ZNF385B: variants seen among roughly 807,000 people sequenced by gnomAD.
ZNF385B encodes zinc finger protein 385B.
ZNF385B carries 23 observed loss-of-function variants against 39.2 expected under a neutral mutation model. The ratio of observed to expected loss-of-function variants is 0.59; its 90% CI spans 0.42 to 0.83. The LOEUF is 0.83. Ranked by LOEUF, ZNF385B falls within the 40% of genes least tolerant of loss-of-function variation. The pLI, the probability that ZNF385B is intolerant of heterozygous loss-of-function variation, is 0.00. For synonymous variants in ZNF385B, 205 were observed against 222.6 expected, an observed-to-expected ratio of 0.92 and a Z score of 0.70; for missense variants, 552 against 598.9, an observed-to-expected ratio of 0.92 and a Z score of 0.82.
chr2:179,756,685 C>G (rs983172985), intron 3 of ZNF385B, among the ~76,000 whole-genome samples: 1 of 151,974 alleles, frequency 6.6e-6, no homozygotes, highest in Non-Finnish European at 1.5e-5. Flanking sequence ...TTTCTTTTTA[C>G]TCTTTTTTCT....
chr2:179,733,202 G>A (rs909737256), intron 3 of ZNF385B, among the ~76,000 whole-genome samples: 4 of 152,164 alleles, frequency 2.6e-5, no homozygotes, highest in African/African-American at 9.7e-5. Flanking sequence ...CCAAACACCA[G>A]CTTTCTGTCT....
intron 5 of ZNF385B, among the ~76,000 whole-genome samples, chr2:179,493,789 G>GTGTATATACATATATT (rs1162190999): frequency 8.8e-6 from 1 of 113,266 alleles, no homozygotes; most frequent in South Asian, 2.8e-4. Flanking sequence ...ATACACATAT[G>GTGTATATACATATATT]TATACATATA....
chr2:179,602,880 T>C (rs1688517802), intron 3 of ZNF385B, among the ~76,000 whole-genome samples: 1 of 152,196 alleles, frequency 6.6e-6, no homozygotes, highest in Non-Finnish European at 1.5e-5. Flanking sequence ...CAATAACTCA[T>C]TAAAGGAGTG....
chr2:179,566,108 C>T (rs1684544105), intron 3 of ZNF385B, among the ~76,000 whole-genome samples: 1 of 152,192 alleles, frequency 6.6e-6, no homozygotes, highest in Admixed American at 6.5e-5. Context: ...AATATAAGAA[C>T]TGTGCTGCTG....
At chr2:179,677,718 T>C (rs1697027062) in intron 3 of ZNF385B, among the ~76,000 whole-genome samples, 1 of 152,228 alleles carries the variant, frequency 6.6e-6, no homozygotes, top group African/African-American at 2.4e-5. Flanking sequence ...TGGTGCCTCA[T>C]GCCTTCATTT....
In ZNF385B at chr2:179,549,381, A is replaced by T. The variant is rs1268473770; in HGVS notation, c.299-4412T>A. On this transcript the variant is annotated intron_variant, in intron 3 of 9. Coordinates refer to ENST00000410066, the MANE Select transcript of ZNF385B (RefSeq NM_152520.6). ...TGGTCATCTGATAACTAAATGGCTTAATATTTTGAGGAAGTGGCAGGCTGT... is the reference window on the plus strand; with the variant it reads ...TGGTCATCTGATAACTAAATGGCTTTATATTTTGAGGAAGTGGCAGGCTGT... 3.3e-5 allele frequency among the ~76,000 whole-genome samples: 5 copies of T among 149,632 alleles called. 1 individual carries two copies. Among genetic ancestry groups the T allele is most frequent in the African/African-American group, 1.3e-4 (5 of 39,784 alleles).
At chr2:179,517,325 A>G (rs1359470118) in intron 5 of ZNF385B, among the ~76,000 whole-genome samples, 1 of 151,952 alleles carries the variant, frequency 6.6e-6, no homozygotes, top group Non-Finnish European at 1.5e-5. Flanking sequence ...TCTATAGATC[A>G]ATTGGGGAAG....
chr2:179,715,902 T>C (rs1700300499), intron 3 of ZNF385B, among the ~76,000 whole-genome samples: 1 of 152,186 alleles, frequency 6.6e-6, no homozygotes, highest in African/African-American at 2.4e-5. Context: ...CTTCCTTTCA[T>C]TAAAAATGTG....
chr2:179,471,563 CAG>C (rs1309900771), intron 6 of ZNF385B, among the ~76,000 whole-genome samples: 2 of 152,178 alleles, frequency 1.3e-5, no homozygotes, highest in Non-Finnish European at 2.9e-5. Context: ...CAACACAAAT[CAG>C]ATATTCTCAT....
At position 179,784,826 on chromosome 2, in the gene ZNF385B, T is replaced by C. The variant is rs1704890676; in HGVS notation, c.-154-14154A>G. Among the ~76,000 whole-genome samples the C allele has an allele frequency of 2.0e-5, 3 of 152,120 alleles. No homozygotes were observed. In the South Asian group the frequency reaches 6.2e-4, roughly 32 times the overall value. ...GAAGATGTGCAGCAACCAAAACTTG[T>C]ATACGCCGGTGGAAGTATAAAGTGG... On this transcript the variant is annotated intron_variant, in intron 1 of 9. Coordinates refer to ENST00000410066, the MANE Select transcript of ZNF385B (RefSeq NM_152520.6).
In ZNF385B at chr2:179,769,817, A is replaced by G; in HGVS notation, c.-2-15T>C. Reference sequence around the variant, plus strand: ...GTACCTCATGCCTGAAAAACAAAACAAGTACAAGTGCTTCTGAAATGATAT... The same window carrying G: ...GTACCTCATGCCTGAAAAACAAAACGAGTACAAGTGCTTCTGAAATGATAT... On this transcript the variant is annotated splice_polypyrimidine_tract_variant and intron_variant, in intron 2 of 9. Coordinates refer to ENST00000410066, the MANE Select transcript of ZNF385B (RefSeq NM_152520.6). 6.3e-7 allele frequency: 1 copy of G among 1,580,474 alleles called. No homozygotes were observed. The highest frequency in any genetic ancestry group is 1.7e-5 in the Admixed American group (1 of 57,266).
chr2:179,687,301 C>A (rs1341784246), intron 3 of ZNF385B, among the ~76,000 whole-genome samples: 1 of 151,652 alleles, frequency 6.6e-6, no homozygotes, highest in African/African-American at 2.4e-5. Flanking sequence ...TGAGAATGGG[C>A]TAACTGATAA....
chr2:179,734,413 A>G (rs183706117), intron 3 of ZNF385B, among the ~76,000 whole-genome samples: 15 of 152,350 alleles, frequency 9.8e-5, no homozygotes, highest in Non-Finnish European at 1.9e-4. Context: ...AATGTATGAG[A>G]GTGCCCCATG....
chr2:179,773,319 C>T (rs1224819393), intron 1 of ZNF385B, among the ~76,000 whole-genome samples: 3 of 152,170 alleles, frequency 2.0e-5, no homozygotes, highest in Non-Finnish European at 2.9e-5. Context: ...AAGGCTCATT[C>T]CTCAACTCAA....
At chr2:179,830,321 T>C (rs1707915373) in intron 1 of ZNF385B, among the ~76,000 whole-genome samples, 1 of 152,236 alleles carries the variant, frequency 6.6e-6, no homozygotes, top group Admixed American at 6.5e-5. Flanking sequence ...GTTGGCAGTT[T>C]CTTACAAAGC....
intron 3 of ZNF385B, among the ~76,000 whole-genome samples, chr2:179,641,592 A>G (rs951096832): frequency 5.9e-5 from 9 of 152,142 alleles, no homozygotes; most frequent in Non-Finnish European, 1.3e-4. Context: ...TTTCTCCCCT[A>G]AAAGCATTAT....
chr2:179,693,833 G>A (rs1698529076), intron 3 of ZNF385B, among the ~76,000 whole-genome samples: 1 of 152,196 alleles, frequency 6.6e-6, no homozygotes, highest in Non-Finnish European at 1.5e-5. Flanking sequence ...TCAGATGTTT[G>A]TCTGATTGTA....
chr2:179,717,967 A>G (rs1197455324), intron 3 of ZNF385B, among the ~76,000 whole-genome samples: 3 of 152,182 alleles, frequency 2.0e-5, no homozygotes, highest in African/African-American at 4.8e-5. Flanking sequence ...TTTTCCTTAC[A>G]TAAATTAATA....
Position 179,769,721 on chromosome 2 carries a change from T to C in ZNF385B, c.80A>G (p.Glu27Gly). ...AGGCCTGTCGTTCTTTATCCCCTTTTCTTCAAAGCCCCGTAGAAAATTTGC... is the reference window on the plus strand; with the variant it reads ...AGGCCTGTCGTTCTTTATCCCCTTTCCTTCAAAGCCCCGTAGAAAATTTGC... Reference protein sequence around the residue: ...NMANFLRGFEEKGIKNDRPED... With the variant: ...NMANFLRGFEGKGIKNDRPED... Residue 27 changes from glutamate to glycine, a missense_variant, in exon 3 of 10, where the codon GAA becomes GGA. Coordinates refer to ENST00000410066, the MANE Select transcript of ZNF385B (RefSeq NM_152520.6). 6.2e-7 allele frequency: 1 copy of C among 1,614,194 alleles called. No homozygotes were observed. Among genetic ancestry groups the C allele is most frequent in the Non-Finnish European group, 8.5e-7 (1 of 1,180,030 alleles).
Sources: allele counts gnomAD v4.1 joint callset (sites outside exome capture counted in the v4.1 genomes callset), GRCh38; gene constraint gnomAD v4.1.1; transcripts MANE v1.5; gene names NCBI Gene and HGNC (gene_info 2026-07-23, HGNC 2026-07-21).